NT5C1B: variants seen among roughly 807,000 people sequenced by gnomAD.
The protein encoded by NT5C1B is cytosolic 5'-nucleotidase 1B.
Under a neutral mutation model 57.8 loss-of-function variants are expected in NT5C1B, and 44 were observed. That is an observed-to-expected ratio of 0.76 (90% CI 0.60 to 0.98). The LOEUF (loss-of-function observed/expected upper bound fraction) is 0.98, where lower values mean the gene tolerates loss of function less well. Among genes scored for constraint, NT5C1B ranks in the 50% least tolerant of loss-of-function variants. NT5C1B has a pLI of 0.00. For missense variants in NT5C1B, 742 were observed against 719.5 expected (o/e 1.03, Z -0.36); for synonymous variants, 284 against 282.6 (o/e 1.00, Z -0.05).
chr2:18,563,571 A>T (rs977416576), exon 9 of NT5C1B: 5 of 404,124 alleles, frequency 1.2e-5, no homozygotes, highest in African/African-American at 1.0e-4. Flanking sequence ...ACTTACACAG[A>T]GATAGGTGTA....
rs150061830 is a variant in NT5C1B, at chr2:18,579,955, A to C, written c.1021+2913T>G. 5.8e-3 allele frequency among the ~76,000 whole-genome samples: 882 copies of C among 152,318 alleles called. 5 individuals are homozygous for C. The highest frequency in any genetic ancestry group is 0.017 in the African/African-American group (690 of 41,584). ...AGATTAACAAGCAGAAACAAACCTC[A>C]TTAAAAACTGGGCAAATGACATGAA... On this transcript the variant is annotated intron_variant, in intron 6 of 8. Coordinates refer to ENST00000304081, the Ensembl canonical transcript of NT5C1B.
At chr2:18,587,817 G>T (rs879469415) in intron 1 of NT5C1B, among the ~76,000 whole-genome samples, 1 of 152,106 alleles carries the variant, frequency 6.6e-6, no homozygotes, top group African/African-American at 2.4e-5. Flanking sequence ...ATAGAAATTT[G>T]TTGGTTCATA....
chr2:18,584,990 C>T lies in NT5C1B; in HGVS notation c.259-12G>A. ...GAGCTGCTGGGGAGCTGCAGCAAGA[C>T]AATGGGCGTCTGAAGTCGAGGCCTG... is the stretch of plus-strand genomic sequence containing the variant. On this transcript the variant is annotated splice_polypyrimidine_tract_variant and intron_variant, in intron 3 of 8. Transcript: ENST00000304081. This position sits in a 1 kb window ranked among gnomAD's most constrained non-coding sequence, Gnocchi z 5.8. 1.3e-6 allele frequency: 2 copies of T among 1,563,730 alleles called. No homozygotes were observed. Among genetic ancestry groups the T allele is most frequent in the Non-Finnish European group, 1.7e-6 (2 of 1,161,556 alleles).
At position 18,575,003 on chromosome 2, in the gene NT5C1B, C is replaced by A. The variant is rs574616779; in HGVS notation, c.1329+1181G>T. Among the ~76,000 whole-genome samples the A allele has an allele frequency of 2.0e-5, 3 of 151,638 alleles. No individual in the cohort carries two copies. The South Asian group carries it at 6.3e-4, about 32-fold the overall frequency. On this transcript the variant is annotated intron_variant, in intron 8 of 8. Coordinates refer to ENST00000304081, the Ensembl canonical transcript of NT5C1B. Reference sequence around the variant, plus strand: ...TAAAGCTGAAAAAAAGAACAAAGTACAAAATGAGAAAAGAACTGAAAAATG... The same window carrying A: ...TAAAGCTGAAAAAAAGAACAAAGTAAAAAATGAGAAAAGAACTGAAAAATG...
chr2:18,583,109 C>T, intron 5 of NT5C1B, 112 bp from the exon 6 acceptor site: 1 of 1,357,416 alleles, frequency 7.4e-7, no homozygotes, highest in South Asian at 1.7e-5. Context: ...AGAATCTTCA[C>T]TGAGAGATTC....
intron 3 of NT5C1B, chr2:18,585,201 C>A (rs775470641): frequency 1.7e-5 from 13 of 779,316 alleles, no homozygotes; most frequent in Non-Finnish European, 2.8e-5. Context: ...CCCTAGCTTC[C>A]CCATAAGCAT....
chr2:18,571,718 G>GTATATATATATATA, intron 8 of NT5C1B, among the ~76,000 whole-genome samples: 1 of 111,466 alleles, frequency 9.0e-6, no homozygotes, highest in East Asian at 3.4e-4. Flanking sequence ...CTGTGTGTGT[G>GTATATATATATATA]TATATATATA....
At position 18,584,762 on chromosome 2, in the gene NT5C1B, C is replaced by G. The variant is rs770429051; in HGVS notation, c.475G>C (p.Gly159Arg). Residue 159 changes from glycine to arginine, a missense_variant, in exon 4 of 9, where the codon GGC becomes CGC. Gly to Arg is a moderately radical substitution (Grantham distance 125). Coordinates refer to ENST00000304081, the Ensembl canonical transcript of NT5C1B. This position sits in a 1 kb window ranked among gnomAD's most constrained non-coding sequence, Gnocchi z 5.8. Reference sequence around the variant, plus strand: ...GTCTGGCGGATTTCCCGCACGATGCCTTGGGCCCAGGCCTCCGGATTCTCT... The same window carrying G: ...GTCTGGCGGATTTCCCGCACGATGCGTTGGGCCCAGGCCTCCGGATTCTCT... 4 of 1,613,540 alleles carry G rather than the reference C, an allele frequency of 2.5e-6. No homozygotes were observed. In the Admixed American group the frequency reaches 6.7e-5, roughly 27 times the overall value.
At chr2:18,587,081 TC>T in intron 2 of NT5C1B, 1 of 1,613,950 alleles carries the variant, frequency 6.2e-7, no homozygotes, top group Non-Finnish European at 8.5e-7. Context: ...CAAGGGCTGT[TC>T]CCTCAGCTGC....
At position 18,571,350 on chromosome 2, in the gene NT5C1B, T is replaced by C. The variant is rs139454204; in HGVS notation, c.1329+4834A>G. ...GGTTGCAGAATACAAAAACCAATTGTGATTCTATGTATTAGCAATAAATAA... is the reference window on the plus strand; with the variant it reads ...GGTTGCAGAATACAAAAACCAATTGCGATTCTATGTATTAGCAATAAATAA... On this transcript the variant is annotated intron_variant, in intron 8 of 8. Transcript: ENST00000304081. 2.5e-4 allele frequency among the ~76,000 whole-genome samples: 38 copies of C among 152,304 alleles called. No individual in the cohort carries two copies. The East Asian group carries it at 6.7e-3, about 27-fold the overall frequency.
At position 18,584,399 on chromosome 2, in the gene NT5C1B, C is replaced by T. The variant is rs1282448447; in HGVS notation, c.723+115G>A. 2.6e-6 allele frequency: 4 copies of T among 1,525,698 alleles called. No homozygotes were observed. In the East Asian group the frequency reaches 7.0e-5, roughly 27 times the overall value. The allele number at this position is 1,525,698 out of a possible 1,614,324, so 94.5% of individuals were successfully genotyped here. ...CTGGAGACAGCTGAGGCTGGGACTCCCCGAAGTTTGGGGAGGAGAAGCGGG... is the reference window on the plus strand; with the variant it reads ...CTGGAGACAGCTGAGGCTGGGACTCTCCGAAGTTTGGGGAGGAGAAGCGGG... On this transcript the variant is annotated intron_variant, in intron 4 of 8. Coordinates refer to ENST00000304081, the Ensembl canonical transcript of NT5C1B. The surrounding 1 kb of genome is among the most constrained non-coding windows in gnomAD (Gnocchi z 5.8).
chr2:18,581,069 T>C lies in NT5C1B; in HGVS notation c.1021+1799A>G, dbSNP rs563057487. ...GATTTAGCCATATAACAGTGAATTA[T>C]CATCATTCAACATTAATATAACATC... On this transcript the variant is annotated intron_variant, in intron 6 of 8. Transcript: ENST00000304081. Among the ~76,000 whole-genome samples the C allele has an allele frequency of 2.6e-5, 4 of 152,340 alleles. No homozygotes were observed. In the East Asian group the frequency reaches 5.8e-4, roughly 22 times the overall value.
intron 2 of NT5C1B, chr2:18,587,168 C>T (rs1236699340): frequency 1.9e-6 from 3 of 1,612,542 alleles, no homozygotes; most frequent in Admixed American, 3.3e-5. Flanking sequence ...TGACTGCACG[C>T]CTCATCTGAA....
chr2:18,577,422 C>CAAAAAAAAA (rs371226394), intron 6 of NT5C1B, among the ~76,000 whole-genome samples: 4 of 39,856 alleles, frequency 1.0e-4, no homozygotes, highest in East Asian at 8.4e-4. Flanking sequence ...GACTCTGTCT[C>CAAAAAAAAA]AAAAAAAAAA....
intron 7 of NT5C1B, 139 bp from the exon 8 acceptor site, chr2:18,576,507 A>G (rs1341276383): frequency 1.6e-6 from 2 of 1,257,202 alleles, no homozygotes; most frequent in African/African-American, 1.5e-5. Context: ...CTTCACAACC[A>G]CAGACCTCAG....
At chr2:18,567,506 A>G (rs1664754684) in intron 8 of NT5C1B, among the ~76,000 whole-genome samples, 1 of 152,184 alleles carries the variant, frequency 6.6e-6, no homozygotes, top group Non-Finnish European at 1.5e-5. Flanking sequence ...TCTCTGCAGC[A>G]GACACACAGG....
rs761539349 is a variant in NT5C1B, at chr2:18,563,964, C to T, written c.1485G>A (p.Trp495Ter). 1 of 1,614,170 alleles carries T rather than the reference C, an allele frequency of 6.2e-7. No individual in the cohort carries two copies. The highest frequency in any genetic ancestry group is 1.1e-5 in the South Asian group (1 of 91,080). Residue 495 changes from tryptophan (W) to a stop codon, truncating the protein, a stop_gained, in exon 9 of 9, where the codon TGG becomes TGA. Transcript: ENST00000304081. LOFTEE classifies it high-confidence loss of function. ...AAAGAGCTTCGTCTATCTCTAGACC[C>T]CAGCGTCGAAGGGTCTTCAGCACAC...
At chr2:18,567,482 G>A (rs1292973658) in intron 8 of NT5C1B, among the ~76,000 whole-genome samples, 1 of 152,192 alleles carries the variant, frequency 6.6e-6, no homozygotes, top group African/African-American at 2.4e-5. Context: ...GAAGGGGTAA[G>A]AATGAGGAGA....
At position 18,563,807 on chromosome 2, in the gene NT5C1B, A is replaced by AT; in HGVS notation, c.1641dup (p.Phe548IlefsTer3). The AT allele has an allele frequency of 2.6e-6, 4 of 1,553,172 alleles. No individual in the cohort carries two copies. The highest frequency in any genetic ancestry group is 3.5e-6 in the Non-Finnish European group (4 of 1,147,226). On this transcript the variant is annotated frameshift_variant, in exon 9 of 9. Transcript: ENST00000304081. LOFTEE classifies it high-confidence loss of function. ...TCTCCTCCCTGCCCCTAACTACTGA[A>AT]TTTTTTATTAAAGCCATAAGCTGCG...
Sources: gnomAD v4.1 joint callset for allele counts (sites outside exome capture counted in the v4.1 genomes callset) on GRCh38, gnomAD v4.1.1 for gene constraint, Gnocchi (gnomAD v3.1) non-coding constraint, MANE v1.5 for transcripts, NCBI Gene and HGNC (gene_info 2026-07-23, HGNC 2026-07-21) for gene names.